Variants in SOX5 observed in about 807,000 individuals in gnomAD.
SOX5 encodes transcription factor SOX-5.
A neutral mutation model predicts 92.0 loss-of-function variants in SOX5; 9 were observed. The ratio of observed to expected loss-of-function variants is 0.10; its 90% CI spans 0.06 to 0.17. The LOEUF (loss-of-function observed/expected upper bound fraction) is 0.17. Among genes scored for constraint, SOX5 ranks in the 10% least tolerant of loss-of-function variants. SOX5 has a pLI of 1.00. For missense variants in SOX5, 642 were observed against 944.5 expected (o/e 0.68, Z 4.20); for synonymous variants, 344 against 336.3 (o/e 1.02, Z -0.25).
intron 9 of SOX5, among the ~76,000 whole-genome samples, chr12:23,595,143 A>G (rs1243577279): frequency 2.0e-5 from 3 of 152,182 alleles, no homozygotes; most frequent in African/African-American, 4.8e-5. Flanking sequence ...AATTTGATAT[A>G]TGATAGAAAT....
chr12:23,988,864 CAG>C (rs1281008447), intron 4 of SOX5, among the ~76,000 whole-genome samples: 2 of 152,150 alleles, frequency 1.3e-5, no homozygotes, highest in East Asian at 1.9e-4. Flanking sequence ...TGGAGCAATA[CAG>C]AGTCTCTTTT....
intron 1 of SOX5, among the ~76,000 whole-genome samples, chr12:24,412,948 G>C (rs1964384684): frequency 6.6e-6 from 1 of 151,896 alleles, no homozygotes; most frequent in Non-Finnish European, 1.5e-5. Context: ...GTAGAGACAG[G>C]GTTTCACCGT....
chr12:24,056,140 A>T (rs1267554918), intron 4 of SOX5, among the ~76,000 whole-genome samples: 1 of 152,236 alleles, frequency 6.6e-6, no homozygotes, highest in Non-Finnish European at 1.5e-5. Context: ...ACTATTTGTC[A>T]TTAAAAAAAT....
At chr12:23,780,367 A>T (rs534873319) in intron 3 of SOX5, among the ~76,000 whole-genome samples, 3 of 151,806 alleles carry the variant, frequency 2.0e-5, no homozygotes, top group Non-Finnish European at 2.9e-5. Context: ...TATTTTATAG[A>T]TTTTTTTCTT....
chr12:24,541,385 C>T (rs551011640), intron 1 of SOX5, among the ~76,000 whole-genome samples: 9 of 152,268 alleles, frequency 5.9e-5, no homozygotes, highest in Admixed American at 2.0e-4. Context: ...CATGACATTG[C>T]ATCATCATTC....
upstream of SOX5, among the ~76,000 whole-genome samples, chr12:23,955,212 A>C (rs1420691753): frequency 6.6e-6 from 1 of 152,154 alleles, no homozygotes; most frequent in Non-Finnish European, 1.5e-5. Flanking sequence ...AAAGTGCTTC[A>C]TAAGTATGTT....
chr12:24,274,327 T>C (rs1266879888), intron 3 of SOX5, among the ~76,000 whole-genome samples: 1 of 152,214 alleles, frequency 6.6e-6, no homozygotes, highest in African/African-American at 2.4e-5. Context: ...AATTATTCTG[T>C]CTTCCTATTG....
At chr12:23,976,527 A>G (rs1948936512) in intron 4 of SOX5, among the ~76,000 whole-genome samples, 1 of 152,084 alleles carries the variant, frequency 6.6e-6, no homozygotes, top group Non-Finnish European at 1.5e-5. Flanking sequence ...TAGTTATTTT[A>G]CTAAAAACTA....
chr12:23,550,091 C>T (rs1337217393), intron 11 of SOX5, among the ~76,000 whole-genome samples: 2 of 151,934 alleles, frequency 1.3e-5, no homozygotes, highest in African/African-American at 2.4e-5. Context: ...ACTGTTTGCA[C>T]ATAATCCCAG....
intron 4 of SOX5, among the ~76,000 whole-genome samples, chr12:24,121,720 C>G (rs2958112): frequency 1.3e-5 from 2 of 149,014 alleles, no homozygotes; most frequent in Non-Finnish European, 3.0e-5. Flanking sequence ...AACCCCATCT[C>G]TACTAAAAAT....
chr12:23,975,793 G>A (rs1170132037), intron 4 of SOX5, among the ~76,000 whole-genome samples: 1 of 152,116 alleles, frequency 6.6e-6, no homozygotes, highest in African/African-American at 2.4e-5. Flanking sequence ...TGCACTATAA[G>A]TTTTTCTATT....
intron 3 of SOX5, among the ~76,000 whole-genome samples, chr12:23,808,907 A>G (rs934231775): frequency 6.6e-6 from 1 of 152,192 alleles, no homozygotes; most frequent in African/African-American, 2.4e-5. Flanking sequence ...ATTGATAAGT[A>G]TTGACATATT....
intron 6 of SOX5, among the ~76,000 whole-genome samples, chr12:23,707,209 T>C (rs1434803838): frequency 3.3e-5 from 5 of 152,204 alleles, no homozygotes; most frequent in African/African-American, 4.8e-5. Flanking sequence ...GAAAAGCCTA[T>C]TCATTGCATT....
chr12:23,710,906 T>C (rs527753623), intron 6 of SOX5, among the ~76,000 whole-genome samples: 4 of 152,252 alleles, frequency 2.6e-5, no homozygotes, highest in African/African-American at 7.2e-5. Flanking sequence ...GCACCTGTTG[T>C]TTCCTGACTT....
chr12:24,544,306 A>T (rs1301078766), intron 1 of SOX5, among the ~76,000 whole-genome samples: 1 of 152,220 alleles, frequency 6.6e-6, no homozygotes, highest in Non-Finnish European at 1.5e-5. Context: ...GTAAGAACTT[A>T]TTATACATAT....
intron 1 of SOX5, among the ~76,000 whole-genome samples, chr12:23,899,931 AGC>A (rs2097214649): frequency 6.6e-6 from 1 of 152,218 alleles, no homozygotes; most frequent in African/African-American, 2.4e-5. Context: ...ATGACATTAT[AGC>A]TAAGTATCTG....
rs144120917 is a variant in SOX5, at chr12:24,547,840, C to T, written c.-251+14489G>A. Among the ~76,000 whole-genome samples, 137 of 152,280 alleles carry T rather than the reference C, an allele frequency of 9.0e-4. 1 individual carries two copies. The Middle Eastern group carries it at 0.014, about 15-fold the overall frequency. ...CCTATCAACTTGAAGTTCTCACAGA[C>T]AAGTATCAAAATTTATTTATACAGT... is the stretch of plus-strand genomic sequence containing the variant. On this transcript the variant is annotated intron_variant, in intron 1 of 4. Coordinates refer to the SOX5 transcript ENST00000446891.
intron 1 of SOX5, among the ~76,000 whole-genome samples, chr12:24,556,819 G>T (rs139863403): frequency 2.0e-5 from 3 of 152,264 alleles, no homozygotes; most frequent in Admixed American, 1.3e-4. Flanking sequence ...ATCATATACA[G>T]ACCACTGAAT....
chr12:23,975,804 A>T (rs1182305291), intron 4 of SOX5, among the ~76,000 whole-genome samples: 1 of 152,216 alleles, frequency 6.6e-6, no homozygotes. Context: ...TTTTTCTATT[A>T]TTAAGACCAG....
Sources: allele counts gnomAD v4.1 joint callset (sites outside exome capture counted in the v4.1 genomes callset), GRCh38; gene constraint gnomAD v4.1.1; transcripts MANE v1.5; gene names NCBI Gene and HGNC (gene_info 2026-07-23, HGNC 2026-07-21).